Variants in TPD52 observed in about 807,000 individuals in gnomAD.
The protein encoded by TPD52 is prostate and colon associated protein.
TPD52 carries 17 observed loss-of-function variants against 31.3 expected under a neutral mutation model. That is an observed-to-expected ratio of 0.54 (90% CI 0.37 to 0.82). The LOEUF (loss-of-function observed/expected upper bound fraction) is 0.82. Ranked by LOEUF, TPD52 falls within the 40% of genes least tolerant of loss-of-function variation. The pLI is 0.00. For synonymous variants in TPD52, 83 were observed against 89.6 expected (o/e 0.93, Z 0.42); for missense variants, 212 against 240.1 (o/e 0.88, Z 0.77).
At chr8:80,058,257 CTAAT>C (rs1254648428) in intron 2 of TPD52, among the ~76,000 whole-genome samples, 1 of 151,958 alleles carries the variant, frequency 6.6e-6, no homozygotes, top group Non-Finnish European at 1.5e-5. Context: ...TCCTAAAGCG[CTAAT>C]TAAAGAAGTG....
At chr8:80,165,526 C>T (rs1811655858) in intron 1 of TPD52, among the ~76,000 whole-genome samples, 1 of 152,174 alleles carries the variant, frequency 6.6e-6, no homozygotes, top group South Asian at 2.1e-4. Flanking sequence ...TTAAGAAGGG[C>T]ACCCAAACCT....
intron 1 of TPD52, among the ~76,000 whole-genome samples, chr8:80,091,983 G>A (rs1034550154): frequency 6.6e-6 from 1 of 152,190 alleles, no homozygotes; most frequent in African/African-American, 2.4e-5. Flanking sequence ...TTGAACATAA[G>A]AGACAGATTT....
chr8:80,114,898 C>A (rs1807753574), intron 1 of TPD52, among the ~76,000 whole-genome samples: 1 of 152,162 alleles, frequency 6.6e-6, no homozygotes, highest in African/African-American at 2.4e-5. Flanking sequence ...CTGCCAAGTG[C>A]CATCTTCCAT....
chr8:80,050,345 C>T, intron 5 of TPD52, 100 bp downstream of exon 5: 1 of 1,198,928 alleles, frequency 8.3e-7, no homozygotes, highest in South Asian at 1.5e-5. Context: ...AAATTATGTA[C>T]TGGACAAACA....
intron 1 of TPD52, among the ~76,000 whole-genome samples, chr8:80,090,092 G>A (rs1161649592): frequency 2.0e-5 from 3 of 152,108 alleles, no homozygotes; most frequent in African/African-American, 7.2e-5. Context: ...ATGAAAAGAA[G>A]TTTTAAAAAG....
chr8:80,119,335 T>G (rs1808086017), intron 1 of TPD52, among the ~76,000 whole-genome samples: 1 of 152,170 alleles, frequency 6.6e-6, no homozygotes, highest in Non-Finnish European at 1.5e-5. Flanking sequence ...GTTCTAAAAT[T>G]GTGGTAAATG....
chr8:80,049,690 G>A (rs1208333429), intron 5 of TPD52, among the ~76,000 whole-genome samples: 10 of 152,260 alleles, frequency 6.6e-5, no homozygotes, highest in East Asian at 1.9e-4. Flanking sequence ...CAACTAATCA[G>A]ATAATCAAAG....
At chr8:80,089,312 A>G (rs1816071971) in intron 1 of TPD52, among the ~76,000 whole-genome samples, 1 of 152,172 alleles carries the variant, frequency 6.6e-6, no homozygotes, top group South Asian at 2.1e-4. Flanking sequence ...CCCCAGCAGG[A>G]GTTGTAAAGG....
intron 1 of TPD52, among the ~76,000 whole-genome samples, chr8:80,091,623 C>T (rs1816282906): frequency 1.3e-5 from 2 of 152,180 alleles, no homozygotes; most frequent in African/African-American, 4.8e-5. Context: ...ATACAATAGA[C>T]AGATTTTTTC....
At chr8:80,142,500 C>G (rs1199940102) in intron 1 of TPD52, among the ~76,000 whole-genome samples, 1 of 152,174 alleles carries the variant, frequency 6.6e-6, no homozygotes, top group African/African-American at 2.4e-5. Flanking sequence ...CCTATAATCC[C>G]TTTGGATTAC....
intron 1 of TPD52, among the ~76,000 whole-genome samples, chr8:80,081,526 C>CA (rs968724515): frequency 8.8e-5 from 13 of 147,902 alleles, no homozygotes; most frequent in African/African-American, 2.2e-4. Context: ...TACTGCATAA[C>CA]AAAAAAAAAG....
In TPD52 at chr8:80,141,269, A is replaced by G. The variant is rs550869131; in HGVS notation, c.19+30156T>C. Among the ~76,000 whole-genome samples the G allele has an allele frequency of 7.9e-5, 12 of 152,290 alleles. No individual in the cohort carries two copies. The South Asian group carries it at 2.3e-3, about 29-fold the overall frequency. On this transcript the variant is annotated intron_variant, in intron 1 of 7. Transcript: ENST00000518937. The stretch of plus-strand genomic sequence containing the variant: ...TTCCTTACTCATTACCCAGTGGGTC[A>G]TCTCTATGACCCCCAATATCACTGG...
At chr8:80,064,646 T>C (rs199730864) in intron 1 of TPD52, 53 bp from the exon 2 acceptor site, 157 of 1,313,840 alleles carry the variant, frequency 1.2e-4, no homozygotes, top group Non-Finnish European at 1.6e-4. Context: ...GTAAAATCCC[T>C]ATTTAAGCTC....
chr8:80,075,312 C>A (rs1167579422), intron 1 of TPD52, among the ~76,000 whole-genome samples: 3 of 152,076 alleles, frequency 2.0e-5, no homozygotes, highest in Non-Finnish European at 4.4e-5. Flanking sequence ...GGAAACAGAG[C>A]AGGAGGGGAG....
Position 80,171,121 on chromosome 8 carries a change from C to T in TPD52, c.19+304G>A, listed in dbSNP as rs933086279. The T allele has an allele frequency of 1.3e-5, 9 of 673,470 alleles. No individual in the cohort carries two copies. In the African/African-American group the frequency reaches 1.4e-4, roughly 11 times the overall value. The allele number at this position is 673,470 out of a possible 1,614,324, so 41.7% of individuals were successfully genotyped here. ...CCTTCACGCGGCTTTCCACCCAAAG[C>T]GCATCACGGCCGCCAGCCCCTGACG... On this transcript the variant is annotated intron_variant, in intron 1 of 7. Coordinates refer to ENST00000518937, the MANE Select transcript of TPD52 (RefSeq NM_001025253.3).
chr8:80,044,055 G>T, intron 6 of TPD52, 112 bp downstream of exon 6: 1 of 891,254 alleles, frequency 1.1e-6, no homozygotes, highest in Non-Finnish European at 1.7e-6. Flanking sequence ...TAAACACACA[G>T]CTTGTTTCAA....
intron 1 of TPD52, among the ~76,000 whole-genome samples, chr8:80,148,445 G>A (rs1185912439): frequency 1.3e-5 from 2 of 152,036 alleles, no homozygotes; most frequent in Admixed American, 6.6e-5. Context: ...TTACACGCAA[G>A]AGCCACCACA....
intron 2 of TPD52, 141 bp from the exon 3 acceptor site, chr8:80,053,571 A>C: frequency 1.1e-6 from 1 of 937,336 alleles, no homozygotes; most frequent in Non-Finnish European, 1.6e-6. Context: ...ACAATGTATA[A>C]TGTTGTTGAG....
At chr8:80,108,969 T>C (rs1807318358) in intron 1 of TPD52, among the ~76,000 whole-genome samples, 1 of 152,210 alleles carries the variant, frequency 6.6e-6, no homozygotes, top group Admixed American at 6.5e-5. Context: ...TATAACTATT[T>C]GCATAAGTTC....
Sources: allele counts gnomAD v4.1 joint callset (sites outside exome capture counted in the v4.1 genomes callset), GRCh38; gene constraint gnomAD v4.1.1; transcripts MANE v1.5; gene names NCBI Gene and HGNC (gene_info 2026-07-23, HGNC 2026-07-21).